Variants in LOXL3 observed in about 807,000 individuals in gnomAD.
LOXL3 encodes lysyl oxidase like 3.
Under a neutral mutation model 91.8 loss-of-function variants are expected in LOXL3, and 60 were observed. The observed-to-expected ratio is 0.65, with a 90% CI of 0.53 to 0.81. LOXL3 has a LOEUF of 0.81. Ranked by LOEUF, LOXL3 falls within the 30% of genes least tolerant of loss-of-function variation. The probability of loss-of-function intolerance (pLI) is 0.00; values close to 1 mark genes in which losing one functional copy is unlikely to be tolerated. For missense variants in LOXL3, 874 were observed against 1,000.4 expected, an observed-to-expected ratio of 0.87 and a Z score of 1.70; for synonymous variants, 355 against 387.6, an observed-to-expected ratio of 0.92 and a Z score of 0.99.
rs1381795599 is a variant in LOXL3, at chr2:74,533,898, C to A, written c.2172G>T (p.Val724=). The A allele has an allele frequency of 6.2e-7, 1 of 1,613,596 alleles. No homozygotes were observed. Among genetic ancestry groups the A allele is most frequent in the Admixed American group, 1.7e-5 (1 of 60,008 alleles). ...ATCAAATACCAATGTGGCAGTTGTG[C>A]ACCCAGATTCTATGTCCATCATATT... is the stretch of plus-strand genomic sequence containing the variant. ...NCKYDGHRIW[V]HNCHIGDAFS... The change falls in exon 13 of 14, where the codon GTG becomes GTT. Residue 724 remains valine (V), a synonymous_variant. Coordinates refer to ENST00000264094, the MANE Select transcript of LOXL3 (RefSeq NM_032603.5).
intron 4 of LOXL3, among the ~76,000 whole-genome samples, chr2:74,542,699 C>G (rs1026104727): frequency 6.6e-6 from 1 of 151,126 alleles, no homozygotes; most frequent in Non-Finnish European, 1.5e-5. Flanking sequence ...AATCTTGGCT[C>G]ACTGCAACCT....
Position 74,536,286 on chromosome 2 carries a change from C to T in LOXL3, c.1093+5G>A, listed in dbSNP as rs1413919492. ...CCTCTCCCTCCCACCTCCATGCCAC[C>T]TCACCCTGCCCCATGCGAGCGCCAC... On this transcript the variant is annotated splice_donor_5th_base_variant and intron_variant, in intron 6 of 13. Transcript: ENST00000264094. The surrounding 1 kb of genome is among the most constrained non-coding windows in gnomAD (Gnocchi z 4.5). 1.2e-6 allele frequency: 2 copies of T among 1,613,426 alleles called. No individual in the cohort carries two copies. The highest frequency in any genetic ancestry group is 2.7e-5 in the African/African-American group (2 of 74,922).
chr2:74,555,566 C>G, upstream of LOXL3: 4 of 1,614,186 alleles, frequency 2.5e-6, no homozygotes, highest in Non-Finnish European at 2.5e-6. This position sits in a 1 kb window ranked among gnomAD's most constrained non-coding sequence, Gnocchi z 6.1. Flanking sequence ...TCGATGCTCT[C>G]TACTACAGAA....
intron 4 of LOXL3, among the ~76,000 whole-genome samples, chr2:74,544,815 A>G (rs529450256): frequency 6.6e-6 from 1 of 152,182 alleles, no homozygotes; most frequent in African/African-American, 2.4e-5. Context: ...ATCTTTCATA[A>G]TTGTAATAAT....
chr2:74,551,229 C>G (rs561972092), intron 2 of LOXL3, among the ~76,000 whole-genome samples: 1 of 152,370 alleles, frequency 6.6e-6, no homozygotes, highest in East Asian at 1.9e-4. Context: ...CCACTGAGCC[C>G]GGCCTGAACC....
At chr2:74,539,221 C>T (rs370069946) in intron 4 of LOXL3, among the ~76,000 whole-genome samples, 2 of 152,158 alleles carry the variant, frequency 1.3e-5, no homozygotes, top group East Asian at 1.9e-4. Context: ...ACATATGTGG[C>T]GCAGGAAAGG....
intron 3 of LOXL3, 68 bp downstream of exon 3, chr2:74,550,117 G>A (rs1049365286): frequency 4.4e-5 from 68 of 1,529,066 alleles, no homozygotes; most frequent in East Asian, 6.9e-5. Context: ...TAATGTCTCC[G>A]CTAACCACCC....
At chr2:74,554,836 G>T, upstream of LOXL3, 4 of 1,613,502 alleles carry the variant, frequency 2.5e-6, no homozygotes, top group Non-Finnish European at 2.5e-6. The surrounding 1 kb of genome is among the most constrained non-coding windows in gnomAD (Gnocchi z 4.9). Flanking sequence ...CATGGATGCC[G>T]AACCTTATCC....
chr2:74,534,466 G>GC (rs1173920487), intron 10 of LOXL3, 35 bp from the exon 11 acceptor site: 1 of 1,613,532 alleles, frequency 6.2e-7, no homozygotes, highest in Non-Finnish European at 8.5e-7. Flanking sequence ...TTCCTTCTCT[G>GC]CCCCCAGAAG....
chr2:74,543,247 G>A (rs967548150), intron 4 of LOXL3, among the ~76,000 whole-genome samples: 1 of 152,074 alleles, frequency 6.6e-6, no homozygotes, highest in Non-Finnish European at 1.5e-5. Flanking sequence ...CCCCTATCTG[G>A]TCATTAAAAT....
At chr2:74,543,008 A>G (rs545570040) in intron 4 of LOXL3, among the ~76,000 whole-genome samples, 3 of 150,744 alleles carry the variant, frequency 2.0e-5, no homozygotes, top group African/African-American at 7.5e-5. Context: ...AATCCAGCAG[A>G]CATTTTTCAG....
Position 74,550,360 on chromosome 2 carries a change from G to T in LOXL3, c.314-12C>A. The T allele has an allele frequency of 6.2e-7, 1 of 1,611,696 alleles. No homozygotes were observed. Among genetic ancestry groups the T allele is most frequent in the Non-Finnish European group, 8.5e-7 (1 of 1,178,600 alleles). Reference sequence around the variant, plus strand: ...CAGCCAGATGCGGCCTGTGGAAGGGGAGATGAAGGGACAGAGAAGCTTGGG... The same window carrying T: ...CAGCCAGATGCGGCCTGTGGAAGGGTAGATGAAGGGACAGAGAAGCTTGGG... On this transcript the variant is annotated splice_polypyrimidine_tract_variant and intron_variant, in intron 2 of 13. Coordinates refer to ENST00000264094, the MANE Select transcript of LOXL3 (RefSeq NM_032603.5).
In LOXL3 at chr2:74,532,780, T is replaced by C. The variant is rs745849054; in HGVS notation, c.*826A>G. 8 of 1,613,686 alleles carry C rather than the reference T, an allele frequency of 5.0e-6. No individual in the cohort carries two copies. In the South Asian group the frequency reaches 8.8e-5, roughly 18 times the overall value. Reference sequence around the variant, plus strand: ...TGTGCATGTGTCCTTGAACTAGGCTTTGTACTCCTTCCTTTCTCTCTGTCC... The same window carrying C: ...TGTGCATGTGTCCTTGAACTAGGCTCTGTACTCCTTCCTTTCTCTCTGTCC... On this transcript the variant is annotated 3_prime_UTR_variant, in exon 14 of 14. Transcript: ENST00000264094.
At chr2:74,534,455 T>C in intron 10 of LOXL3, 24 bp from the exon 11 acceptor site, 1 of 1,613,900 alleles carries the variant, frequency 6.2e-7, no homozygotes, top group Non-Finnish European at 8.5e-7. Context: ...GGAACTTCTG[T>C]TTCCTTCTCT....
chr2:74,552,895 G>C, intron 1 of LOXL3: 1 of 453,148 alleles, frequency 2.2e-6, no homozygotes, highest in Non-Finnish European at 3.9e-6. Flanking sequence ...ATGAGAGATC[G>C]AGAGTCAGAG....
At chr2:74,555,333 C>G (rs747590556), upstream of LOXL3, 3 of 1,613,896 alleles carry the variant, frequency 1.9e-6, no homozygotes, top group Non-Finnish European at 2.5e-6. This position sits in a 1 kb window ranked among gnomAD's most constrained non-coding sequence, Gnocchi z 6.1. Flanking sequence ...CCGTGGAGAC[C>G]CCCCCTGAGC....
Position 74,552,642 on chromosome 2 carries a change from A to C in LOXL3, c.-8T>G, listed in dbSNP as rs758230764. 6.5e-7 allele frequency: 1 copy of C among 1,535,694 alleles called. No homozygotes were observed. Among genetic ancestry groups the C allele is most frequent in the East Asian group, 2.4e-5 (1 of 41,538 alleles). The stretch of plus-strand genomic sequence containing the variant: ...GACACTGACAGGTCGCATGGCAGGG[A>C]AGGCCTGGGTGCCCCAGAGACAAAG... On this transcript the variant is annotated 5_prime_UTR_variant, in exon 2 of 14. Coordinates refer to ENST00000264094, the MANE Select transcript of LOXL3 (RefSeq NM_032603.5).
chr2:74,546,930 G>A (rs1418659767), intron 4 of LOXL3, among the ~76,000 whole-genome samples: 1 of 152,078 alleles, frequency 6.6e-6, no homozygotes, highest in Non-Finnish European at 1.5e-5. Context: ...TGGTCAGGCT[G>A]GTCTCGAACT....
chr2:74,552,779 G>GA, intron 1 of LOXL3, 133 bp from the exon 2 acceptor site: 1 of 779,160 alleles, frequency 1.3e-6, no homozygotes, highest in Non-Finnish European at 2.0e-6. Context: ...CAACAGGAGA[G>GA]AAAGAGCCCC....
Sources: allele counts gnomAD v4.1 joint callset (sites outside exome capture counted in the v4.1 genomes callset), GRCh38; gene constraint gnomAD v4.1.1; non-coding constraint Gnocchi (gnomAD v3.1); transcripts MANE v1.5; gene names NCBI Gene and HGNC (gene_info 2026-07-23, HGNC 2026-07-21).